Variants in MGAT5 observed in about 807,000 individuals in gnomAD.
The protein encoded by MGAT5 is alpha-1,6-mannosylglycoprotein 6-beta-N-acetylglucosaminyltransferase, also known as alpha-1,6-mannosylglycoprotein 6-beta-N-acetylglucosaminyltransferase A.
In MGAT5, 30 loss-of-function variants were observed where a neutral mutation model predicts 94.3. The observed-to-expected ratio is 0.32, with a 90% CI of 0.24 to 0.43. MGAT5 has a LOEUF of 0.43. Among genes scored for constraint, MGAT5 ranks in the 20% least tolerant of loss-of-function variants. The pLI is 1.00. For missense variants in MGAT5, 691 were observed against 905.5 expected, an observed-to-expected ratio of 0.76 and a Z score of 3.04; for synonymous variants, 310 against 322.9, an observed-to-expected ratio of 0.96 and a Z score of 0.43.
intron 1 of MGAT5, among the ~76,000 whole-genome samples, chr2:134,154,865 T>A (rs1687401675): frequency 6.6e-6 from 1 of 152,230 alleles, no homozygotes; most frequent in Non-Finnish European, 1.5e-5. Context: ...TGAGTTTGAA[T>A]CTGGTCAGTG....
In MGAT5 at chr2:134,304,142, G is replaced by A. The variant is rs1051092985; in HGVS notation, c.407-13387G>A. ...TACACAGGTAGTGTAGTTTAGCAGC[G>A]TGCTCTGGGCTGGGAAGCTGTCTGA... On this transcript the variant is annotated intron_variant, in intron 2 of 15. Transcript: ENST00000281923. Among the ~76,000 whole-genome samples, 12 of 152,268 alleles carry A rather than the reference G, an allele frequency of 7.9e-5. No individual in the cohort carries two copies. The East Asian group carries it at 1.9e-3, about 24-fold the overall frequency.
chr2:134,216,867 T>C (rs1158468138), intron 1 of MGAT5, among the ~76,000 whole-genome samples: 1 of 152,118 alleles, frequency 6.6e-6, no homozygotes, highest in Non-Finnish European at 1.5e-5. Context: ...TTAAGAGCCA[T>C]AGGAATAGAT....
chr2:134,387,891 C>T (rs750354878), intron 10 of MGAT5, among the ~76,000 whole-genome samples: 1 of 152,106 alleles, frequency 6.6e-6, no homozygotes, highest in Non-Finnish European at 1.5e-5. Flanking sequence ...GAATGGAGAC[C>T]TCCAATGGAA....
rs1196827273 is a variant in MGAT5 at position 134,164,669 on chromosome 2, A to G, written c.-143+44378A>G. On this transcript the variant is annotated intron_variant, in intron 1 of 16. Transcript: ENST00000409645. ...ACTTACTAGTTAGTATTCTATATTA[A>G]TAAGTATGCCAAATGACTTAACTCC... Among the ~76,000 whole-genome samples the G allele has an allele frequency of 1.3e-4, 20 of 152,264 alleles. No homozygotes were observed. The South Asian group carries it at 2.9e-3, about 22-fold the overall frequency.
intron 1 of MGAT5, among the ~76,000 whole-genome samples, chr2:134,237,896 G>A (rs530809044): frequency 5.9e-4 from 90 of 151,522 alleles, no homozygotes; most frequent in African/African-American, 2.1e-3. Flanking sequence ...GATTACAGAC[G>A]TGTGCTACCA....
chr2:134,373,694 C>T (rs1016502090), intron 10 of MGAT5, among the ~76,000 whole-genome samples: 1 of 152,190 alleles, frequency 6.6e-6, no homozygotes, highest in Admixed American at 6.5e-5. Context: ...CTGTTCAATA[C>T]TGAGATACCG....
At chr2:134,266,041 G>A (rs1186136910) in intron 1 of MGAT5, among the ~76,000 whole-genome samples, 1 of 151,118 alleles carries the variant, frequency 6.6e-6, no homozygotes, top group African/African-American at 2.4e-5. Flanking sequence ...GGTGGCACCT[G>A]TAATCCCAGC....
intron 11 of MGAT5, among the ~76,000 whole-genome samples, chr2:134,404,830 G>T (rs1286231224): frequency 6.6e-6 from 1 of 152,204 alleles, no homozygotes; most frequent in Non-Finnish European, 1.5e-5. Flanking sequence ...AGTGAAGTGT[G>T]TTCTCTAGTT....
chr2:134,146,993 G>A (rs545620622), intron 1 of MGAT5, among the ~76,000 whole-genome samples: 14 of 152,192 alleles, frequency 9.2e-5, no homozygotes, highest in East Asian at 1.9e-4. Context: ...CTTTCCACTC[G>A]AAGAAAATAT....
rs919825455 is a variant in MGAT5 at position 134,452,047 on chromosome 2, G to A, written c.*3200G>A. 2.0e-5 allele frequency: 3 copies of A among 152,110 alleles called. No homozygotes were observed. The highest frequency in any genetic ancestry group is 6.5e-5 in the Admixed American group (1 of 15,268). The allele number at this position is 152,110 out of a possible 1,614,324, so 9.4% of individuals were successfully genotyped here. A position where few individuals can be genotyped will look rare whatever the true frequency, so the allele number is the denominator to read the frequency against. On this transcript the variant is annotated 3_prime_UTR_variant, in exon 16 of 16. Coordinates refer to ENST00000281923, the MANE Select transcript of MGAT5 (RefSeq NM_002410.5). The stretch of plus-strand genomic sequence containing the variant: ...TTTTTCTTTGGGGTTTTTGGAATCC[G>A]GATGCTGTTGAAGGGCAATAGCAGA...
chr2:134,353,185 T>C (rs1192369721), intron 9 of MGAT5, among the ~76,000 whole-genome samples: 3 of 152,156 alleles, frequency 2.0e-5, no homozygotes, highest in East Asian at 1.9e-4. Flanking sequence ...TTTAGTGTTA[T>C]TTGTTTTTTA....
intron 2 of MGAT5, among the ~76,000 whole-genome samples, chr2:134,271,890 C>G (rs1441034013): frequency 6.6e-6 from 1 of 152,168 alleles, no homozygotes; most frequent in Non-Finnish European, 1.5e-5. Flanking sequence ...CCACTTGCCA[C>G]CCCTGTACCC....
chr2:134,135,175 TC>T (rs1301631709), intron 1 of MGAT5, among the ~76,000 whole-genome samples: 1 of 152,326 alleles, frequency 6.6e-6, no homozygotes, highest in Admixed American at 6.5e-5. Flanking sequence ...TTTCTGTCAA[TC>T]TTAGGACATT....
At chr2:134,259,110 A>T (rs2105546567) in intron 1 of MGAT5, among the ~76,000 whole-genome samples, 1 of 152,344 alleles carries the variant, frequency 6.6e-6, no homozygotes, top group East Asian at 1.9e-4. Flanking sequence ...CGTGTGGAAC[A>T]TTCAGTGCGT....
intron 2 of MGAT5, among the ~76,000 whole-genome samples, chr2:134,270,795 C>T (rs548721001): frequency 2.6e-5 from 4 of 152,246 alleles, no homozygotes; most frequent in South Asian, 4.1e-4. Flanking sequence ...TAATGAGCTC[C>T]TGGAATTCAC....
chr2:134,253,522 G>A (rs1431401855), upstream of MGAT5, among the ~76,000 whole-genome samples: 7 of 152,200 alleles, frequency 4.6e-5, no homozygotes, highest in Admixed American at 6.5e-5. Flanking sequence ...CTCATGGTGG[G>A]AGTGAAAGTG....
At chr2:134,126,895 T>C (rs1685862774) in intron 1 of MGAT5, among the ~76,000 whole-genome samples, 1 of 152,190 alleles carries the variant, frequency 6.6e-6, no homozygotes, top group African/African-American at 2.4e-5. Flanking sequence ...CTTTTTTTTT[T>C]TTTAAACCAT....
At chr2:134,330,788 A>G (rs1273373197) in intron 4 of MGAT5, among the ~76,000 whole-genome samples, 1 of 152,136 alleles carries the variant, frequency 6.6e-6, no homozygotes, top group East Asian at 1.9e-4. Context: ...GATTATACTT[A>G]AATCATCTGA....
intron 9 of MGAT5, among the ~76,000 whole-genome samples, chr2:134,359,052 G>A (rs568541013): frequency 3.3e-5 from 5 of 152,286 alleles, no homozygotes; most frequent in Admixed American, 3.3e-4. Flanking sequence ...CTTAATAAGA[G>A]ACATTTTGTT....
Sources: allele counts gnomAD v4.1 joint callset (sites outside exome capture counted in the v4.1 genomes callset), GRCh38; gene constraint gnomAD v4.1.1; transcripts MANE v1.5; gene names NCBI Gene and HGNC (gene_info 2026-07-23, HGNC 2026-07-21).